Variants in FAM117B observed in about 807,000 individuals in gnomAD.
FAM117B encodes the protein protein FAM117B.
FAM117B carries 22 observed loss-of-function variants against 52.8 expected under a neutral mutation model. That is an observed-to-expected ratio of 0.42 (90% CI 0.30 to 0.59). The LOEUF is 0.59. Ranked by LOEUF, FAM117B falls within the 20% of genes least tolerant of loss-of-function variation. The probability of loss-of-function intolerance (pLI) is 0.22; values close to 1 mark genes in which losing one functional copy is unlikely to be tolerated. For missense variants in FAM117B, 678 were observed against 802.6 expected (o/e 0.84, Z 1.88); for synonymous variants, 309 against 324.1 (o/e 0.95, Z 0.50).
intron 1 of FAM117B, among the ~76,000 whole-genome samples, chr2:202,676,597 C>G (rs890098748): frequency 2.0e-5 from 3 of 152,038 alleles, no homozygotes; most frequent in Non-Finnish European, 4.4e-5. Context: ...TCAGGCTGGT[C>G]TTGAACTCCT....
chr2:202,644,068 T>TTTTTTTTTTTTTTTTTTTA (rs1689818584), intron 1 of FAM117B, among the ~76,000 whole-genome samples: 1 of 144,636 alleles, frequency 6.9e-6, no homozygotes, highest in Non-Finnish European at 1.5e-5. Context: ...TTTTTTGTTT[T>TTTTTTTTTTTTTTTTTTTA]TTTTTTTTTT....
At chr2:202,644,824 G>A (rs1349174649) in intron 1 of FAM117B, among the ~76,000 whole-genome samples, 8 of 152,172 alleles carry the variant, frequency 5.3e-5, no homozygotes, top group Non-Finnish European at 1.0e-4. Context: ...ATCCTTTGTT[G>A]GTGATGGTGT....
chr2:202,761,162 G>A (rs2105801167), intron 7 of FAM117B, among the ~76,000 whole-genome samples: 1 of 152,336 alleles, frequency 6.6e-6, no homozygotes, highest in Non-Finnish European at 1.5e-5. Flanking sequence ...CTCCTAAAAT[G>A]CTGGGACTAT....
intron 1 of FAM117B, among the ~76,000 whole-genome samples, chr2:202,645,753 G>A (rs868816702): frequency 2.7e-5 from 4 of 150,480 alleles, no homozygotes; most frequent in Middle Eastern, 3.7e-3. Flanking sequence ...GTAGGCGCGC[G>A]CCACCACGCC....
chr2:202,668,970 A>G (rs557490251), intron 1 of FAM117B, among the ~76,000 whole-genome samples: 6 of 152,330 alleles, frequency 3.9e-5, no homozygotes, highest in African/African-American at 1.2e-4. Flanking sequence ...CATTAAACCT[A>G]TTACGAATAG....
intron 1 of FAM117B, among the ~76,000 whole-genome samples, chr2:202,652,076 A>G (rs1420563934): frequency 6.6e-6 from 1 of 151,154 alleles, no homozygotes; most frequent in Non-Finnish European, 1.5e-5. Context: ...AAAAAAAGAT[A>G]AGGACAAGGG....
intron 1 of FAM117B, among the ~76,000 whole-genome samples, chr2:202,676,448 C>G (rs1690380709): frequency 6.6e-6 from 1 of 150,696 alleles, no homozygotes; most frequent in Non-Finnish European, 1.5e-5. Context: ...GGCGCTATCT[C>G]AGCTCACCAC....
intron 1 of FAM117B, among the ~76,000 whole-genome samples, chr2:202,654,262 C>CAA (rs34014387): frequency 3.8e-4 from 55 of 145,854 alleles, no homozygotes; most frequent in Middle Eastern, 6.9e-3. Flanking sequence ...AAGTCTACCT[C>CAA]AAAAAAAAAA....
At position 202,664,446 on chromosome 2, in the gene FAM117B, C is replaced by G. The variant is rs538825526; in HGVS notation, c.601+28658C>G. Among the ~76,000 whole-genome samples, 4 of 152,188 alleles carry G rather than the reference C, an allele frequency of 2.6e-5. No individual in the cohort carries two copies. The South Asian group carries it at 8.3e-4, about 32-fold the overall frequency. On this transcript the variant is annotated intron_variant, in intron 1 of 7. Coordinates refer to ENST00000392238, the MANE Select transcript of FAM117B (RefSeq NM_173511.4). The stretch of plus-strand genomic sequence containing the variant: ...GATTAGTCTTAGAATTGGCACAAGA[C>G]GAGAATGAGACAACTGAGGCATTGG...
chr2:202,642,344 A>AATATATATATAT lies in FAM117B; in HGVS notation c.601+6566_601+6577dup, dbSNP rs59347439. ...GTATTTATATTCTTAGAATAAATAG[A>AATATATATATAT]ATATATATATATATATATATAAAAT... On this transcript the variant is annotated intron_variant, in intron 1 of 7. Transcript: ENST00000392238. Among the ~76,000 whole-genome samples the AATATATATATAT allele has an allele frequency of 3.8e-3, 548 of 142,566 alleles. 5 individuals are homozygous for AATATATATATAT. Among genetic ancestry groups the AATATATATATAT allele is most frequent in the African/African-American group, 0.012 (459 of 38,252 alleles). The allele number at this position is 142,566 out of a possible 152,430, so 93.5% of individuals were successfully genotyped here.
chr2:202,653,273 C>A (rs1036769853), intron 1 of FAM117B, among the ~76,000 whole-genome samples: 1 of 152,138 alleles, frequency 6.6e-6, no homozygotes, highest in African/African-American at 2.4e-5. Flanking sequence ...GTCTCAAAAA[C>A]AACAACAATA....
chr2:202,694,329 T>G (rs1559103826), intron 1 of FAM117B, among the ~76,000 whole-genome samples: 1 of 151,934 alleles, frequency 6.6e-6, no homozygotes, highest in Non-Finnish European at 1.5e-5. Flanking sequence ...TAGCTGGGAT[T>G]ACAGGCGCCC....
intron 1 of FAM117B, among the ~76,000 whole-genome samples, chr2:202,665,017 G>A (rs1309925547): frequency 6.6e-6 from 1 of 152,076 alleles, no homozygotes; most frequent in Admixed American, 6.6e-5. Context: ...AGACTTTGGT[G>A]GGGAAGAAGG....
chr2:202,765,777 C>A lies in FAM117B; in HGVS notation c.*13C>A. 1 of 1,609,954 alleles carries A rather than the reference C, an allele frequency of 6.2e-7. No homozygotes were observed. Among genetic ancestry groups the A allele is most frequent in the Non-Finnish European group, 8.5e-7 (1 of 1,177,270 alleles). On this transcript the variant is annotated 3_prime_UTR_variant, in exon 8 of 8. Coordinates refer to ENST00000392238, the MANE Select transcript of FAM117B (RefSeq NM_173511.4). ...AGCTGAAGGATAGGTCACAGTGCAACGTGGCTGTTGTTCTGGGAAATTGGG... is the reference window on the plus strand; with the variant it reads ...AGCTGAAGGATAGGTCACAGTGCAAAGTGGCTGTTGTTCTGGGAAATTGGG...
intron 1 of FAM117B, among the ~76,000 whole-genome samples, chr2:202,660,992 C>G (rs772684204): frequency 1.3e-5 from 2 of 152,236 alleles, no homozygotes; most frequent in African/African-American, 2.4e-5. Flanking sequence ...CTACCTAGTC[C>G]ATTGGCCACA....
intron 4 of FAM117B, among the ~76,000 whole-genome samples, chr2:202,731,534 G>A (rs940973243): frequency 4.6e-5 from 7 of 151,486 alleles, no homozygotes; most frequent in Non-Finnish European, 8.8e-5. Flanking sequence ...GGGTTCAAGC[G>A]ATTCTCCTGC....
At chr2:202,708,867 C>T (rs1270886566) in intron 2 of FAM117B, among the ~76,000 whole-genome samples, 2 of 152,094 alleles carry the variant, frequency 1.3e-5, no homozygotes, top group Non-Finnish European at 2.9e-5. Context: ...GCCTCTCCTG[C>T]GTCACTGAGA....
At chr2:202,650,023 A>C (rs1574540971) in intron 1 of FAM117B, among the ~76,000 whole-genome samples, 1 of 149,856 alleles carries the variant, frequency 6.7e-6, no homozygotes, top group African/African-American at 2.4e-5. Context: ...CGCCTACCAC[A>C]TACCTGGTTA....
chr2:202,679,330 G>C (rs1690428394), intron 1 of FAM117B, among the ~76,000 whole-genome samples: 1 of 152,192 alleles, frequency 6.6e-6, no homozygotes, highest in African/African-American at 2.4e-5. Context: ...TTGTTGATTT[G>C]AGATAGGGAT....
Sources: gnomAD v4.1 joint callset for allele counts (sites outside exome capture counted in the v4.1 genomes callset) on GRCh38, gnomAD v4.1.1 for gene constraint, MANE v1.5 for transcripts, NCBI Gene and HGNC (gene_info 2026-07-23, HGNC 2026-07-21) for gene names.